BCAS3: variants seen among roughly 807,000 people sequenced by gnomAD.
BCAS3 encodes BCAS4/BCAS3 fusion.
BCAS3 carries 53 observed loss-of-function variants against 116.1 expected under a neutral mutation model. That is an observed-to-expected ratio of 0.46 (90% CI 0.37 to 0.57). The LOEUF (loss-of-function observed/expected upper bound fraction) is 0.57, where lower values mean the gene tolerates loss of function less well. Among genes scored for constraint, BCAS3 ranks in the 20% least tolerant of loss-of-function variants. The pLI, the probability that BCAS3 is intolerant of heterozygous loss-of-function variation, is 0.00. For missense variants in BCAS3, 917 were observed against 1,165.4 expected, an observed-to-expected ratio of 0.79 and a Z score of 3.10; for synonymous variants, 391 against 408.2, an observed-to-expected ratio of 0.96 and a Z score of 0.51.
At chr17:60,944,287 GTC>G (rs1050316782) in intron 13 of BCAS3, among the ~76,000 whole-genome samples, 3 of 152,006 alleles carry the variant, frequency 2.0e-5, no homozygotes, top group Non-Finnish European at 4.4e-5. Flanking sequence ...TATCATTAAT[GTC>G]TCTACAGATA....
intron 22 of BCAS3, among the ~76,000 whole-genome samples, chr17:61,295,689 A>G (rs943035022): frequency 3.3e-5 from 5 of 152,028 alleles, no homozygotes; most frequent in African/African-American, 1.2e-4. Flanking sequence ...GCGGTGGCTC[A>G]TGCCTGTAAT....
At position 61,198,133 on chromosome 17, in the gene BCAS3, T is replaced by A. The variant is rs1224224780; in HGVS notation, c.2425+113569T>A. On this transcript the variant is annotated intron_variant, in intron 22 of 23. Coordinates refer to ENST00000407086, the MANE Select transcript of BCAS3 (RefSeq NM_017679.5). The surrounding 1 kb of genome is among the most constrained non-coding windows in gnomAD (Gnocchi z 5.0). ...CGATTAAGATAAAGTGCAAGATATG[T>A]TTTTTTTTTTTCTTTTTTTTTTTTT... 2.5e-4 allele frequency among the ~76,000 whole-genome samples: 1 copy of A among 3,948 alleles called. No individual in the cohort carries two copies. Among genetic ancestry groups the A allele is most frequent in the East Asian group, 3.6e-3 (1 of 278 alleles). The allele number at this position is 3,948 out of a possible 152,430, so 2.6% of individuals were successfully genotyped here.
chr17:61,142,536 G>A (rs903614084), intron 22 of BCAS3, among the ~76,000 whole-genome samples: 2 of 152,114 alleles, frequency 1.3e-5, no homozygotes, highest in Non-Finnish European at 2.9e-5. Context: ...GTACTAGTTA[G>A]CATTAGTAAC....
chr17:60,808,019 A>G lies in BCAS3; in HGVS notation c.419A>G (p.Asp140Gly), dbSNP rs777654873. The change falls in exon 7 of 24, where the codon GAT (aspartate) becomes GGT (glycine). Residue 140 changes from aspartate (D) to glycine (G), a missense_variant. This residue lies in a region of BCAS3 where 807 missense variants were observed against 1,026.0 expected (regional missense o/e 0.79). Transcript: ENST00000407086. ...TTCCTGTCAGGTGCTCAAAAATGTG[A>G]TAACTTTGCTGAAAAAAGACCCCTC... Reference protein sequence around the residue: ...PAPQFGAQKCDNFAEKRPLLG... With the variant: ...PAPQFGAQKCGNFAEKRPLLG... The G allele has an allele frequency of 9.3e-6, 15 of 1,608,288 alleles. No homozygotes were observed. Among genetic ancestry groups the G allele is most frequent in the Non-Finnish European group, 1.2e-5 (14 of 1,176,218 alleles).
At chr17:60,955,386 A>ATTGTTTTTTTTTT (rs2061070223) in intron 14 of BCAS3, among the ~76,000 whole-genome samples, 1 of 128,086 alleles carries the variant, frequency 7.8e-6, no homozygotes, top group African/African-American at 3.5e-5. Context: ...GGGAAACTGA[A>ATTGTTTTTTTTTT]TTTTTTTTTT....
chr17:60,908,385 C>A (rs1171197257), intron 11 of BCAS3, among the ~76,000 whole-genome samples: 1 of 152,034 alleles, frequency 6.6e-6, no homozygotes, highest in Non-Finnish European at 1.5e-5. Context: ...GGCTCAGGGG[C>A]AAATGGGGAG....
At chr17:60,846,119 G>A (rs914805036) in intron 7 of BCAS3, among the ~76,000 whole-genome samples, 38 of 151,802 alleles carry the variant, frequency 2.5e-4, no homozygotes, top group African/African-American at 8.7e-4. Flanking sequence ...TTGTAGAAAG[G>A]GGGTCTTGCT....
chr17:60,925,747 A>G (rs976590981), intron 13 of BCAS3, among the ~76,000 whole-genome samples: 1 of 152,144 alleles, frequency 6.6e-6, no homozygotes, highest in African/African-American at 2.4e-5. Context: ...ACCAATTTTC[A>G]CAGTAAGGAG....
At chr17:61,147,901 G>A (rs868742930) in intron 22 of BCAS3, among the ~76,000 whole-genome samples, 3 of 151,810 alleles carry the variant, frequency 2.0e-5, no homozygotes, top group Non-Finnish European at 2.9e-5. Flanking sequence ...CACGAGGATC[G>A]CTTGAACCTG....
At chr17:60,697,403 A>G (rs1418436046) in intron 4 of BCAS3, among the ~76,000 whole-genome samples, 2 of 151,950 alleles carry the variant, frequency 1.3e-5, no homozygotes, top group Non-Finnish European at 2.9e-5. Context: ...TCTACTAAAA[A>G]TACAAAATAA....
At chr17:61,022,779 A>G (rs1198974336) in intron 16 of BCAS3, among the ~76,000 whole-genome samples, 5 of 152,092 alleles carry the variant, frequency 3.3e-5, no homozygotes, top group Non-Finnish European at 5.9e-5. Context: ...AGCTGGTACT[A>G]CAGGCCTATA....
rs1419874984 is a variant in BCAS3, at chr17:61,156,723, T to C, written c.2425+72159T>C. Among the ~76,000 whole-genome samples the C allele has an allele frequency of 6.6e-6, 1 of 152,214 alleles. No individual in the cohort carries two copies. Among genetic ancestry groups the C allele is most frequent in the Non-Finnish European group, 1.5e-5 (1 of 68,032 alleles). ...ATCCTAATTGGCACATAACAATAAT[T>C]GTTTCTATCCTGCTATAAACCATAA... On this transcript the variant is annotated intron_variant, in intron 22 of 23. Transcript: ENST00000407086. This position sits in a 1 kb window ranked among gnomAD's most constrained non-coding sequence, Gnocchi z 4.7.
At chr17:61,255,119 C>T (rs1187229294) in intron 22 of BCAS3, among the ~76,000 whole-genome samples, 2 of 152,168 alleles carry the variant, frequency 1.3e-5, no homozygotes, top group Non-Finnish European at 2.9e-5. Context: ...ACAGGGAGAG[C>T]ACAATGACTT....
chr17:61,206,583 C>T (rs1010084379), intron 22 of BCAS3, among the ~76,000 whole-genome samples: 2 of 151,818 alleles, frequency 1.3e-5, no homozygotes, highest in South Asian at 2.1e-4. Flanking sequence ...ATGGATCACC[C>T]GAGGTCAGGA....
chr17:61,006,181 A>G (rs899629196), intron 15 of BCAS3, among the ~76,000 whole-genome samples: 1 of 152,122 alleles, frequency 6.6e-6, no homozygotes, highest in African/African-American at 2.4e-5. Context: ...TTGTGGCTAT[A>G]CTTTTTATTC....
chr17:60,836,323 C>T lies in BCAS3; in HGVS notation c.476+28247C>T, dbSNP rs140385991. On this transcript the variant is annotated intron_variant, in intron 7 of 23. Transcript: ENST00000407086. ...ATAGTTAACATTAATTCTCTTAATT[C>T]TTTTCTTAATTTTTAATTAATTCTT... 3.1e-3 allele frequency among the ~76,000 whole-genome samples: 467 copies of T among 152,166 alleles called. 4 individuals carry two copies. The highest frequency in any genetic ancestry group is 3.4e-3 in the Middle Eastern group (1 of 294).
At position 61,388,994 on chromosome 17, in the gene BCAS3, AT is replaced by A. The variant is rs2059996496; in HGVS notation, c.2594-2981del. On this transcript the variant is annotated intron_variant, in intron 23 of 23. Coordinates refer to ENST00000407086, the MANE Select transcript of BCAS3 (RefSeq NM_017679.5). The surrounding 1 kb of genome is among the most constrained non-coding windows in gnomAD (Gnocchi z 6.5). ...CATTCATTCATTCATTCATTCATTC[AT>A]TCATTCATGCTAGAAATGTTTAGGG... 2.5e-6 allele frequency: 1 copy of A among 404,552 alleles called. No individual in the cohort carries two copies. Among genetic ancestry groups the A allele is most frequent in the Non-Finnish European group, 4.4e-6 (1 of 227,526 alleles). 25.1% of individuals were successfully genotyped at this position (404,552 alleles called of 1,614,324 possible). A position where few individuals can be genotyped will look rare whatever the true frequency, so the allele number is the denominator to read the frequency against.
At position 61,008,277 on chromosome 17, in the gene BCAS3, G is replaced by C. The variant is rs2064860125; in HGVS notation, c.1487-7474G>C. Among the ~76,000 whole-genome samples the C allele has an allele frequency of 6.6e-6, 1 of 151,998 alleles. No homozygotes were observed. Among genetic ancestry groups the C allele is most frequent in the Non-Finnish European group, 1.5e-5 (1 of 67,958 alleles). On this transcript the variant is annotated intron_variant, in intron 15 of 23. Transcript: ENST00000407086. This position sits in a 1 kb window ranked among gnomAD's most constrained non-coding sequence, Gnocchi z 4.6. ...GTGAAAGTCCTGGAACTGCAGCTGG[G>C]AAGCTTGACATTCTCATCTAGGAAA... is the stretch of plus-strand genomic sequence containing the variant.
rs2051656109 is a variant in BCAS3 at position 61,285,291 on chromosome 17, C to T, written c.2426-83036C>T. ...TAAAATGCAGCAAAGGAAGGGGAAACAAATACAACAGTGCACGGCAGAGTC... is the reference window on the plus strand; with the variant it reads ...TAAAATGCAGCAAAGGAAGGGGAAATAAATACAACAGTGCACGGCAGAGTC... On this transcript the variant is annotated intron_variant, in intron 22 of 23. Transcript: ENST00000407086. The surrounding 1 kb of genome is among the most constrained non-coding windows in gnomAD (Gnocchi z 5.4). 6.6e-6 allele frequency among the ~76,000 whole-genome samples: 1 copy of T among 151,110 alleles called. No individual in the cohort carries two copies. The highest frequency in any genetic ancestry group is 2.5e-5 in the African/African-American group (1 of 40,722).
Sources: gnomAD v4.1 joint callset for allele counts (sites outside exome capture counted in the v4.1 genomes callset) on GRCh38, gnomAD v4.1.1 for gene constraint, gnomAD v4.1.1 regional missense constraint, Gnocchi (gnomAD v3.1) non-coding constraint, MANE v1.5 for transcripts, NCBI Gene and HGNC (gene_info 2026-07-23, HGNC 2026-07-21) for gene names.